MARCHF1: variants seen among roughly 807,000 people sequenced by gnomAD.
The protein encoded by MARCHF1 is membrane associated ring-CH-type finger 1.
MARCHF1 carries 40 observed loss-of-function variants against 54.2 expected under a neutral mutation model. That is an observed-to-expected ratio of 0.74 (90% confidence interval 0.57 to 0.96). The LOEUF is 0.96. MARCHF1 is among the 40% of genes least tolerant of loss of function. The pLI is 0.00. For synonymous variants in MARCHF1, 236 were observed against 236.3 expected, an observed-to-expected ratio of 1.00 and a Z score of 0.01; for missense variants, 586 against 656.5, an observed-to-expected ratio of 0.89 and a Z score of 1.17.
chr4:163,870,183 A>G (rs1750140383), intron 3 of MARCHF1, among the ~76,000 whole-genome samples: 1 of 152,160 alleles, frequency 6.6e-6, no homozygotes, highest in African/African-American at 2.4e-5. Context: ...AAAATGACTC[A>G]TAATAGAAAA....
chr4:163,700,892 A>T (rs938793742), intron 4 of MARCHF1, 29 bp from the exon 5 acceptor site: 37 of 1,491,796 alleles, frequency 2.5e-5, no homozygotes, highest in Non-Finnish European at 3.3e-5. Context: ...AACATTAATT[A>T]AAAGAAGGTA....
rs1445128482 is a variant in MARCHF1, at chr4:163,526,993, A to C, written c.*1755T>G. ...CCCTTTTTCCTATGATCTGTGAAGA[A>C]CAAGCACACTGATAATTACAAAGTG... On this transcript the variant is annotated 3_prime_UTR_variant, in exon 10 of 10. Transcript: ENST00000514618. 1 of 151,956 alleles carries C rather than the reference A, an allele frequency of 6.6e-6. No individual in the cohort carries two copies. Among genetic ancestry groups the C allele is most frequent in the Non-Finnish European group, 1.5e-5 (1 of 67,892 alleles). 9.4% of individuals were successfully genotyped at this position (151,956 alleles called of 1,614,324 possible). A position where few individuals can be genotyped will look rare whatever the true frequency, so the allele number is the denominator to read the frequency against.
chr4:163,631,566 A>G (rs2110993349), intron 5 of MARCHF1, among the ~76,000 whole-genome samples: 2 of 152,252 alleles, frequency 1.3e-5, no homozygotes, highest in Middle Eastern at 6.8e-3. Context: ...AAATAGTCAG[A>G]TAATTTAGAA....
chr4:164,351,637 T>G (rs543679785), intron 1 of MARCHF1, among the ~76,000 whole-genome samples: 1 of 151,760 alleles, frequency 6.6e-6, no homozygotes, highest in African/African-American at 2.4e-5. Context: ...AGACCAAAAG[T>G]AGATAAAACC....
At chr4:163,908,917 C>T (rs949446121) in intron 3 of MARCHF1, among the ~76,000 whole-genome samples, 5 of 151,980 alleles carry the variant, frequency 3.3e-5, no homozygotes, top group African/African-American at 9.7e-5. Context: ...CTGTCACAAT[C>T]GTATCTACTG....
intron 8 of MARCHF1, among the ~76,000 whole-genome samples, chr4:163,582,881 T>C (rs2110811595): frequency 6.6e-6 from 1 of 152,328 alleles, no homozygotes; most frequent in South Asian, 2.1e-4. Context: ...ATGACTCAGG[T>C]TGATGACTGA....
At chr4:163,914,111 T>C (rs4267697) in intron 3 of MARCHF1, among the ~76,000 whole-genome samples, 82,302 of 151,824 alleles carry the variant, frequency 0.54, 23,345 homozygotes, top group Middle Eastern at 0.68. Context: ...ATATAGAGAG[T>C]ATAGCTTCAA....
intron 4 of MARCHF1, among the ~76,000 whole-genome samples, chr4:163,763,133 T>C (rs1043412877): frequency 6.6e-6 from 1 of 152,100 alleles, no homozygotes; most frequent in African/African-American, 2.4e-5. Flanking sequence ...AATTATTTTC[T>C]GGGATCTGAA....
intron 8 of MARCHF1, among the ~76,000 whole-genome samples, chr4:163,563,256 C>A (rs929635996): frequency 2.6e-5 from 4 of 152,162 alleles, no homozygotes; most frequent in Non-Finnish European, 4.4e-5. Flanking sequence ...TTCTCACAAC[C>A]TTTCTGTGGT....
chr4:164,295,845 G>A (rs1378263693), intron 1 of MARCHF1, among the ~76,000 whole-genome samples: 1 of 152,118 alleles, frequency 6.6e-6, no homozygotes, highest in East Asian at 1.9e-4. Flanking sequence ...AAAGCAAGAG[G>A]GGTGAAGGAA....
At chr4:163,867,111 T>C (rs1397280699) in intron 3 of MARCHF1, among the ~76,000 whole-genome samples, 1 of 151,914 alleles carries the variant, frequency 6.6e-6, no homozygotes, top group East Asian at 1.9e-4. Context: ...ATGGTTAGTC[T>C]TTCTGGCACG....
At chr4:164,345,572 A>ACATCAT (rs1368120074) in intron 1 of MARCHF1, among the ~76,000 whole-genome samples, 24 of 90,204 alleles carry the variant, frequency 2.7e-4, no homozygotes, top group African/African-American at 1.1e-3. Flanking sequence ...TCTGTCTCAA[A>ACATCAT]CATAATAATA....
intron 1 of MARCHF1, among the ~76,000 whole-genome samples, chr4:164,358,902 G>A (rs753871061): frequency 2.6e-5 from 4 of 151,824 alleles, no homozygotes; most frequent in Non-Finnish European, 5.9e-5. Flanking sequence ...GTTAAAAGAC[G>A]CTCCAAAGGT....
chr4:163,798,319 T>A (rs1318978250), intron 4 of MARCHF1, among the ~76,000 whole-genome samples: 1 of 152,186 alleles, frequency 6.6e-6, no homozygotes. Context: ...AGAAAGCAAC[T>A]GTGCTGGAAC....
intron 3 of MARCHF1, among the ~76,000 whole-genome samples, chr4:163,929,665 A>T (rs1751613187): frequency 6.6e-6 from 1 of 151,470 alleles, no homozygotes; most frequent in Non-Finnish European, 1.5e-5. Flanking sequence ...GGTAAATTGT[A>T]TGACAGTATC....
chr4:164,364,614 C>T (rs1487602535), intron 1 of MARCHF1, among the ~76,000 whole-genome samples: 1 of 151,680 alleles, frequency 6.6e-6, no homozygotes, highest in African/African-American at 2.4e-5. Flanking sequence ...TCAGAGGTTT[C>T]CCATTTATTC....
At chr4:163,863,259 T>C (rs1199098724) in intron 3 of MARCHF1, among the ~76,000 whole-genome samples, 1 of 152,030 alleles carries the variant, frequency 6.6e-6, no homozygotes, top group Non-Finnish European at 1.5e-5. Flanking sequence ...TCACTGAAGA[T>C]GGTGAGGGAA....
intron 4 of MARCHF1, among the ~76,000 whole-genome samples, chr4:163,761,057 CTT>C (rs1746813332): frequency 2.0e-5 from 3 of 152,094 alleles, no homozygotes; most frequent in African/African-American, 4.8e-5. Flanking sequence ...AAATATGACT[CTT>C]ATAATAGTGA....
intron 3 of MARCHF1, among the ~76,000 whole-genome samples, chr4:163,873,940 A>G (rs1394002835): frequency 6.6e-6 from 1 of 152,252 alleles, no homozygotes; most frequent in African/African-American, 2.4e-5. Context: ...TATGTTCTAT[A>G]GGCTAGCTGG....
Sources: gnomAD v4.1 joint callset for allele counts (sites outside exome capture counted in the v4.1 genomes callset) on GRCh38, gnomAD v4.1.1 for gene constraint, MANE v1.5 for transcripts, NCBI Gene and HGNC (gene_info 2026-07-23, HGNC 2026-07-21) for gene names.